CDC14A: variants seen among roughly 807,000 people sequenced by gnomAD.
CDC14A encodes the protein cell division cycle 14A, also known as dual specificity protein phosphatase CDC14A.
CDC14A carries 53 observed loss-of-function variants against 74.4 expected under a neutral mutation model. The ratio of observed to expected loss-of-function variants is 0.71; its 90% CI spans 0.57 to 0.89. The LOEUF is 0.89. CDC14A is among the 40% of genes least tolerant of loss of function. The pLI is 0.00. For synonymous variants in CDC14A, 247 were observed against 258.4 expected (o/e 0.96, Z 0.43); for missense variants, 646 against 713.7 (o/e 0.91, Z 1.08).
rs568592855 is a variant in CDC14A, at chr1:100,442,953, T to A, written c.476T>A (p.Phe159Tyr). ...TTTTAGGGATTACAACATGGATTTT[T>A]TGACTTTGAGACATTTGATGTGGAT... ...GIRKGLQHGFFDFETFDVDEY... is the reference protein window; with the variant it reads ...GIRKGLQHGFYDFETFDVDEY... Residue 159 changes from phenylalanine (F) to tyrosine (Y), a missense_variant, in exon 7 of 16, where the codon TTT becomes TAT. Transcript: ENST00000336454. 102 of 1,604,506 alleles carry A rather than the reference T, an allele frequency of 6.4e-5. 3 individuals are homozygous for A. The South Asian group carries it at 1.1e-3, about 17-fold the overall frequency.
chr1:100,476,200 C>G (rs1278805095), intron 10 of CDC14A, among the ~76,000 whole-genome samples: 1 of 152,142 alleles, frequency 6.6e-6, no homozygotes, highest in South Asian at 2.1e-4. Context: ...TGCCTATAAT[C>G]CCAGCATTTT....
At chr1:100,415,778 T>C (rs1424504080) in intron 4 of CDC14A, among the ~76,000 whole-genome samples, 1 of 152,220 alleles carries the variant, frequency 6.6e-6, no homozygotes, top group African/African-American at 2.4e-5. Context: ...ACTTTCCTAA[T>C]TCATATGTGA....
chr1:100,419,029 A>G (rs1263809885), intron 4 of CDC14A, among the ~76,000 whole-genome samples: 1 of 152,122 alleles, frequency 6.6e-6, no homozygotes, highest in East Asian at 1.9e-4. Flanking sequence ...TACGAAAAAT[A>G]CAAAAAAGTA....
At chr1:100,360,741 G>A (rs1233143100) in intron 2 of CDC14A, among the ~76,000 whole-genome samples, 1 of 152,192 alleles carries the variant, frequency 6.6e-6, no homozygotes, top group Non-Finnish European at 1.5e-5. Flanking sequence ...GGCATTCGGT[G>A]TAGAGTTGAT....
Position 100,499,147 on chromosome 1 carries a change from T to G in CDC14A, c.1640T>G (p.Leu547Arg), listed in dbSNP as rs140251082. 262 of 1,614,028 alleles carry G rather than the reference T, an allele frequency of 1.6e-4. No individual in the cohort carries two copies. Among genetic ancestry groups the G allele is most frequent in the Non-Finnish European group, 2.1e-4 (249 of 1,180,040 alleles). Residue 547 changes from leucine (L) to arginine (R), a missense_variant, in exon 15 of 16, where the codon CTG becomes CGG. By Grantham distance (102) the Leu-to-Arg change is moderately radical. Transcript: ENST00000336454. ...AGCAGCAACAGCAACGGGGGCAACCTGAACAGCCCCCCAGGCCCCCACAGC... is the reference window on the plus strand; with the variant it reads ...AGCAGCAACAGCAACGGGGGCAACCGGAACAGCCCCCCAGGCCCCCACAGC... ...NRSSNSNGGN[L>R]NSPPGPHSAK...
intron 8 of CDC14A, among the ~76,000 whole-genome samples, chr1:100,460,074 G>A (rs1024891603): frequency 2.6e-5 from 4 of 152,174 alleles, no homozygotes; most frequent in African/African-American, 7.2e-5. Flanking sequence ...AGCTGTATGT[G>A]TACGGGCCAG....
chr1:100,442,891 T>A, intron 6 of CDC14A, 43 bp from the exon 7 acceptor site: 1 of 1,282,026 alleles, frequency 7.8e-7, no homozygotes, highest in Non-Finnish European at 1.1e-6. Context: ...GAGTAGAGTT[T>A]ATCAATTTAG....
chr1:100,352,117 G>A (rs1651113242), upstream of CDC14A, among the ~76,000 whole-genome samples: 1 of 152,140 alleles, frequency 6.6e-6, no homozygotes, highest in Non-Finnish European at 1.5e-5. Flanking sequence ...CTTAGAGGGT[G>A]CAGAAAAGAA....
At chr1:100,509,651 G>C (rs6702414) in intron 15 of CDC14A, among the ~76,000 whole-genome samples, 132,056 of 152,294 alleles carry the variant, frequency 0.87, 60,017 homozygotes, top group Non-Finnish European at 1. Flanking sequence ...CATGTGCAAA[G>C]AAGCACAGAC....
rs760060516 is a variant in CDC14A at position 100,498,994 on chromosome 1, A to C, written c.1487A>C (p.Glu496Ala). 2.5e-6 allele frequency: 4 copies of C among 1,614,078 alleles called. No individual in the cohort carries two copies. The highest frequency in any genetic ancestry group is 2.5e-6 in the Non-Finnish European group (3 of 1,180,038). Residue 496 changes from glutamate to alanine, a missense_variant, in exon 15 of 16, where the codon GAG becomes GCG. By Grantham distance (107) the Glu-to-Ala change is moderately radical (BLOSUM62 -1). Coordinates refer to ENST00000336454, the MANE Select transcript of CDC14A (RefSeq NM_003672.4). ...TTGAATGCTGCAACAGATGATCCAG[A>C]GAACAAAAAGACCTCCTCATCCTCT... Reference protein sequence around the residue: ...GNLNAATDDPENKKTSSSSKA... With the variant: ...GNLNAATDDPANKKTSSSSKA...
chr1:100,462,550 C>A, intron 8 of CDC14A, 101 bp from the exon 9 acceptor site: 2 of 897,956 alleles, frequency 2.2e-6, no homozygotes, highest in South Asian at 1.6e-5. Flanking sequence ...TCCTCCCAAG[C>A]TTTGTTGAGA....
rs147364031 is a variant in CDC14A at position 100,417,960 on chromosome 1, G to A, written c.310-6262G>A. Among the ~76,000 whole-genome samples, 202 of 152,282 alleles carry A rather than the reference G, an allele frequency of 1.3e-3. 1 individual carries two copies. Among genetic ancestry groups the A allele is most frequent in the African/African-American group, 4.8e-3 (198 of 41,560 alleles). The stretch of plus-strand genomic sequence containing the variant: ...TGAGCTCCAGAAGCTTTCCACTTTA[G>A]TCTAAAGGAAACTAATTACAAAAGA... On this transcript the variant is annotated intron_variant, in intron 4 of 15. Transcript: ENST00000336454.
At chr1:100,348,053 G>A (rs1444423069), upstream of CDC14A, among the ~76,000 whole-genome samples, 1 of 152,116 alleles carries the variant, frequency 6.6e-6, no homozygotes, top group Non-Finnish European at 1.5e-5. Context: ...GGAGGGCGAG[G>A]TGGGCGGATC....
intron 7 of CDC14A, among the ~76,000 whole-genome samples, chr1:100,447,456 A>C (rs1453554003): frequency 6.6e-6 from 1 of 152,240 alleles, no homozygotes; most frequent in East Asian, 1.9e-4. Context: ...CCACAAAAGT[A>C]ACTGTGAGAT....
intron 1 of CDC14A, among the ~76,000 whole-genome samples, chr1:100,346,633 A>C (rs1238661034): frequency 8.9e-6 from 1 of 112,412 alleles, no homozygotes; most frequent in Non-Finnish European, 1.9e-5. Flanking sequence ...CTCTGTCTCA[A>C]AAAAAAAAAA....
intron 4 of CDC14A, among the ~76,000 whole-genome samples, chr1:100,402,288 G>A (rs1377423900): frequency 1.3e-5 from 2 of 152,128 alleles, no homozygotes; most frequent in Non-Finnish European, 2.9e-5. Context: ...CCCGAGTGAG[G>A]ACTATCAGTG....
At chr1:100,462,914 C>A in intron 9 of CDC14A, 33 bp downstream of exon 9, 1 of 1,538,248 alleles carries the variant, frequency 6.5e-7, no homozygotes, top group Non-Finnish European at 9.0e-7. Flanking sequence ...GGTGGCTGTG[C>A]TTATCGAAGG....
chr1:100,356,898 A>G (rs1486350931), intron 2 of CDC14A, among the ~76,000 whole-genome samples: 1 of 151,850 alleles, frequency 6.6e-6, no homozygotes, highest in Admixed American at 6.6e-5. Flanking sequence ...GGGGAAAGAA[A>G]CAAGTACCTG....
intron 4 of CDC14A, among the ~76,000 whole-genome samples, chr1:100,420,129 T>TG (rs1158224519): frequency 8.5e-5 from 11 of 129,352 alleles, no homozygotes; most frequent in Non-Finnish European, 1.9e-4. Context: ...GGTTTTTTTT[T>TG]TTTTTTTTTT....
Sources: gnomAD v4.1 joint callset for allele counts (sites outside exome capture counted in the v4.1 genomes callset) on GRCh38, gnomAD v4.1.1 for gene constraint, MANE v1.5 for transcripts, NCBI Gene and HGNC (gene_info 2026-07-23, HGNC 2026-07-21) for gene names.